Variants in NAPEPLD observed in about 807,000 individuals in gnomAD.
NAPEPLD encodes N-acyl phosphatidylethanolamine phospholipase D.
Under a neutral mutation model 38.1 loss-of-function variants are expected in NAPEPLD, and 23 were observed. That is an observed-to-expected ratio of 0.60 (90% CI 0.43 to 0.86). The LOEUF (loss-of-function observed/expected upper bound fraction) is 0.86. NAPEPLD is among the 40% of genes least tolerant of loss of function. NAPEPLD has a pLI of 0.00. For synonymous variants in NAPEPLD, 147 were observed against 162.0 expected (o/e 0.91, Z 0.71); for missense variants, 411 against 476.8 (o/e 0.86, Z 1.28).
At chr7:103,121,310 G>GT (rs1466455922) in intron 2 of NAPEPLD, among the ~76,000 whole-genome samples, 1 of 152,190 alleles carries the variant, frequency 6.6e-6, no homozygotes, top group Non-Finnish European at 1.5e-5. Flanking sequence ...CAGCATCACA[G>GT]TCCTGGCTTT....
At chr7:103,137,975 GCTT>G (rs1810427841) in intron 1 of NAPEPLD, among the ~76,000 whole-genome samples, 1 of 111,474 alleles carries the variant, frequency 9.0e-6, no homozygotes, top group Non-Finnish European at 1.8e-5. Context: ...TTTCTTTTTT[GCTT>G]TTTTTCTTTT....
chr7:103,129,980 C>G (rs1231043832), intron 1 of NAPEPLD, among the ~76,000 whole-genome samples: 1 of 152,150 alleles, frequency 6.6e-6, no homozygotes, highest in African/African-American at 2.4e-5. Flanking sequence ...TGATTTTGAC[C>G]TATATAGGAC....
intron 1 of NAPEPLD, among the ~76,000 whole-genome samples, chr7:103,137,984 C>CTTT (rs11413343): frequency 2.1e-5 from 3 of 143,772 alleles, no homozygotes; most frequent in African/African-American, 5.1e-5. Context: ...TGCTTTTTTT[C>CTTT]TTTTTTTTTT....
chr7:103,143,595 C>A (rs1006563508), intron 1 of NAPEPLD, among the ~76,000 whole-genome samples: 1 of 152,168 alleles, frequency 6.6e-6, no homozygotes, highest in African/African-American at 2.4e-5. Context: ...TGTCCTGCAT[C>A]TGGCTACCTG....
intron 1 of NAPEPLD, chr7:103,141,240 G>GTT (rs869065614): frequency 1.2e-3 from 12 of 10,258 alleles, no homozygotes; most frequent in African/African-American, 2.5e-3. Context: ...CTGTGGAGTT[G>GTT]TTTTTTTTTT....
intron 1 of NAPEPLD, among the ~76,000 whole-genome samples, chr7:103,133,145 C>A (rs1809320394): frequency 6.6e-6 from 1 of 152,006 alleles, no homozygotes. Context: ...TGTTTCTAAC[C>A]TTACCCACAC....
In NAPEPLD at chr7:103,100,927, G is replaced by A. The variant is rs1478636855; in HGVS notation, c.*2502C>T. 6.6e-6 allele frequency: 1 copy of A among 152,016 alleles called. No individual in the cohort carries two copies. The highest frequency in any genetic ancestry group is 1.5e-5 in the Non-Finnish European group (1 of 68,002). The allele number at this position is 152,016 out of a possible 1,614,324, so 9.4% of individuals were successfully genotyped here. Reference sequence around the variant, plus strand: ...AATAAAAAATTACAGCTTACAAAAGGGCCTAGAAAAATGAGGCAGGCCAGA... The same window carrying A: ...AATAAAAAATTACAGCTTACAAAAGAGCCTAGAAAAATGAGGCAGGCCAGA... On this transcript the variant is annotated 3_prime_UTR_variant, in exon 5 of 5. Transcript: ENST00000465647.
intron 1 of NAPEPLD, among the ~76,000 whole-genome samples, chr7:103,143,132 TAGG>T (rs1300415199): frequency 4.6e-5 from 7 of 151,034 alleles, no homozygotes; most frequent in Admixed American, 1.3e-4. Context: ...CGGGCTGAGA[TAGG>T]AGGATTGCTT....
rs530619082 is a variant in NAPEPLD, at chr7:103,103,839, G to A, written c.1057-285C>T. On this transcript the variant is annotated intron_variant, in intron 4 of 4. Transcript: ENST00000465647. ...TCACTGGATTGCATGAAATCATCACGGTTTCACCATATGAAATTCCAATCT... is the reference window on the plus strand; with the variant it reads ...TCACTGGATTGCATGAAATCATCACAGTTTCACCATATGAAATTCCAATCT... 6.4e-4 allele frequency among the ~76,000 whole-genome samples: 97 copies of A among 152,094 alleles called. 1 individual carries two copies. Among genetic ancestry groups the A allele is most frequent in the Non-Finnish European group, 1.1e-3 (75 of 68,018 alleles).
At chr7:103,111,850 A>G (rs1342043694) in intron 4 of NAPEPLD, among the ~76,000 whole-genome samples, 1 of 152,240 alleles carries the variant, frequency 6.6e-6, no homozygotes, top group Admixed American at 6.5e-5. Flanking sequence ...AATTTTTGCA[A>G]TCTATCCATC....
intron 1 of NAPEPLD, chr7:103,141,933 T>A: frequency 1.0e-6 from 1 of 954,200 alleles, no homozygotes; most frequent in South Asian, 1.3e-5. Flanking sequence ...AGCCTGAGCA[T>A]ACTCAAGGCT....
chr7:103,108,048 T>A (rs1030198311), intron 4 of NAPEPLD, among the ~76,000 whole-genome samples: 5 of 150,440 alleles, frequency 3.3e-5, no homozygotes, highest in African/African-American at 2.5e-5. Context: ...AAGTTACCCA[T>A]AAAGGGAAGC....
At chr7:103,112,441 A>T (rs1804719087) in intron 4 of NAPEPLD, among the ~76,000 whole-genome samples, 1 of 152,206 alleles carries the variant, frequency 6.6e-6, no homozygotes, top group African/African-American at 2.4e-5. Context: ...GGATGAGTTC[A>T]TGTCCTTTGC....
intron 4 of NAPEPLD, among the ~76,000 whole-genome samples, chr7:103,114,727 A>G (rs1055487448): frequency 2.0e-5 from 3 of 152,174 alleles, no homozygotes; most frequent in Admixed American, 2.0e-4. Context: ...TTCTGCTAGC[A>G]TGAGAGCCTG....
intron 2 of NAPEPLD, among the ~76,000 whole-genome samples, chr7:103,120,695 A>ATT (rs1563355903): frequency 3.9e-4 from 13 of 32,974 alleles, no homozygotes; most frequent in Admixed American, 1.3e-3. Flanking sequence ...TGAATCTGAT[A>ATT]TTTTTCTTTT....
In NAPEPLD at chr7:103,100,285, A is replaced by T. The variant is rs958265693; in HGVS notation, c.*3144T>A. ...TTTAATGAAAGCATATTCATTAAAT[A>T]TGAAACTATGCATACATTAAAAACC... On this transcript the variant is annotated 3_prime_UTR_variant, in exon 5 of 5. Coordinates refer to ENST00000465647, the MANE Select transcript of NAPEPLD (RefSeq NM_001122838.3). 6.6e-6 allele frequency: 1 copy of T among 152,250 alleles called. No homozygotes were observed. The highest frequency in any genetic ancestry group is 1.5e-5 in the Non-Finnish European group (1 of 68,044). 9.4% of individuals were successfully genotyped at this position (152,250 alleles called of 1,614,324 possible).
chr7:103,148,470 G>C (rs577182341), intron 1 of NAPEPLD, among the ~76,000 whole-genome samples: 7,439 of 136,030 alleles, frequency 0.055, 258 homozygotes, highest in African/African-American at 0.1. Context: ...AAAAAAAAAG[G>C]AAAAAACAAA....
At chr7:103,120,879 A>AT (rs1261785048) in intron 2 of NAPEPLD, among the ~76,000 whole-genome samples, 5 of 151,316 alleles carry the variant, frequency 3.3e-5, no homozygotes, top group African/African-American at 1.2e-4. Context: ...TATCCAGCTA[A>AT]TTTTTTATTT....
At chr7:103,136,581 G>C (rs1317511325) in intron 1 of NAPEPLD, among the ~76,000 whole-genome samples, 2 of 76,746 alleles carry the variant, frequency 2.6e-5, no homozygotes, top group African/African-American at 8.1e-5. Flanking sequence ...GCAAGACTCT[G>C]TCTCACAAAA....
Sources: allele counts gnomAD v4.1 joint callset (sites outside exome capture counted in the v4.1 genomes callset), GRCh38; gene constraint gnomAD v4.1.1; transcripts MANE v1.5; gene names NCBI Gene and HGNC (gene_info 2026-07-23, HGNC 2026-07-21).